The following ITFG1 variants were observed in gnomAD, a reference collection of about 807,000 sequenced individuals.
ITFG1 encodes integrin alpha FG-GAP repeat containing 1, also known as T-cell immunomodulatory protein.
In ITFG1, 34 loss-of-function variants were observed where a neutral mutation model predicts 81.8. The observed-to-expected ratio is 0.42, with a 90% confidence interval of 0.32 to 0.55. ITFG1 has a LOEUF of 0.55. ITFG1 is among the 20% of genes least tolerant of loss of function. The pLI, the probability that ITFG1 is intolerant of heterozygous loss-of-function variation, is 0.17. For synonymous variants in ITFG1, 285 were observed against 270.6 expected (o/e 1.05, Z -0.52); for missense variants, 672 against 755.4 (o/e 0.89, Z 1.29).
chr16:47,340,345 T>G (rs555770664), intron 8 of ITFG1, among the ~76,000 whole-genome samples: 1 of 152,326 alleles, frequency 6.6e-6, no homozygotes, highest in South Asian at 2.1e-4. Context: ...ATAAATATTA[T>G]GTATTGAGCA....
At chr16:47,393,310 T>C (rs2151596587) in intron 6 of ITFG1, among the ~76,000 whole-genome samples, 1 of 152,286 alleles carries the variant, frequency 6.6e-6, no homozygotes, top group South Asian at 2.1e-4. Context: ...TCCTTTAGCA[T>C]AATTAGATAA....
intron 10 of ITFG1, among the ~76,000 whole-genome samples, chr16:47,303,805 T>C (rs1967114682): frequency 6.6e-6 from 1 of 152,122 alleles, no homozygotes; most frequent in African/African-American, 2.4e-5. Flanking sequence ...TTTCATTTTA[T>C]TTTTTGTAGA....
chr16:47,240,402 A>G (rs1399908773), intron 12 of ITFG1, among the ~76,000 whole-genome samples: 3 of 152,092 alleles, frequency 2.0e-5, no homozygotes, highest in Non-Finnish European at 2.9e-5. Flanking sequence ...CGTAAAATGT[A>G]TATTTGACAA....
At chr16:47,433,904 A>G (rs1208730363) in intron 5 of ITFG1, among the ~76,000 whole-genome samples, 18 of 91,988 alleles carry the variant, frequency 2.0e-4, no homozygotes, top group Admixed American at 1.3e-4. Flanking sequence ...ATATATATAT[A>G]TAGTTGTCAA....
chr16:47,186,677 A>C lies in ITFG1; in HGVS notation c.1454-24013T>G, dbSNP rs554599502. Among the ~76,000 whole-genome samples, 9 of 152,378 alleles carry C rather than the reference A, an allele frequency of 5.9e-5. No individual in the cohort carries two copies. In the East Asian group the frequency reaches 1.7e-3, roughly 29 times the overall value. On this transcript the variant is annotated intron_variant, in intron 14 of 17. Transcript: ENST00000320640. ...TCATACTGAATGGGCAAAAACTGGA[A>C]GCATTCCCTTTGAAAACAGGCACAA...
At chr16:47,254,720 G>C (rs957322196) in intron 12 of ITFG1, among the ~76,000 whole-genome samples, 1 of 152,200 alleles carries the variant, frequency 6.6e-6, no homozygotes, top group East Asian at 1.9e-4. Context: ...TCTTGCACTT[G>C]AAATTTTCCT....
chr16:47,428,525 A>C (rs1470165911), intron 6 of ITFG1, among the ~76,000 whole-genome samples: 1 of 149,274 alleles, frequency 6.7e-6, no homozygotes, highest in Non-Finnish European at 1.5e-5. Context: ...GGTAAAAAAA[A>C]CAGCAGGCAA....
At chr16:47,233,460 TG>T (rs2151532517) in intron 13 of ITFG1, among the ~76,000 whole-genome samples, 1 of 152,346 alleles carries the variant, frequency 6.6e-6, no homozygotes, top group African/African-American at 2.4e-5. Context: ...ACACTTTTGT[TG>T]AGTTTTACCT....
At chr16:47,185,421 A>T (rs946054785) in intron 14 of ITFG1, among the ~76,000 whole-genome samples, 2 of 152,262 alleles carry the variant, frequency 1.3e-5, no homozygotes, top group African/African-American at 4.8e-5. Context: ...TCTCTCAGAC[A>T]AAGTGCAATC....
chr16:47,286,765 C>T (rs1314108704), intron 10 of ITFG1, among the ~76,000 whole-genome samples: 8 of 152,124 alleles, frequency 5.3e-5, no homozygotes, highest in Non-Finnish European at 8.8e-5. Context: ...CACCACATTG[C>T]TTATATACTA....
chr16:47,324,676 G>T (rs1039416281), intron 8 of ITFG1, among the ~76,000 whole-genome samples: 5 of 152,040 alleles, frequency 3.3e-5, no homozygotes, highest in African/African-American at 1.2e-4. Flanking sequence ...AAAGGCAGGG[G>T]TTGCAATCAA....
At chr16:47,457,226 G>A (rs1387724858) in intron 2 of ITFG1, among the ~76,000 whole-genome samples, 1 of 151,654 alleles carries the variant, frequency 6.6e-6, no homozygotes, top group East Asian at 1.9e-4. Flanking sequence ...TGGGAGAATA[G>A]CTTGAACCCG....
intron 14 of ITFG1, among the ~76,000 whole-genome samples, chr16:47,196,116 C>T (rs1052665128): frequency 1.8e-4 from 28 of 151,602 alleles, no homozygotes; most frequent in Non-Finnish European, 2.5e-4. Flanking sequence ...TCTTGTTCTG[C>T]TATAGGTATT....
chr16:47,360,303 G>T (rs1278411376), intron 8 of ITFG1, among the ~76,000 whole-genome samples: 1 of 152,132 alleles, frequency 6.6e-6, no homozygotes, highest in Admixed American at 6.5e-5. Context: ...GACTGGCAAT[G>T]ACAGTGATAT....
chr16:47,284,202 T>C (rs1596860453), intron 10 of ITFG1, among the ~76,000 whole-genome samples: 1 of 152,274 alleles, frequency 6.6e-6, no homozygotes. Context: ...AGCCATTAGA[T>C]TGTACACTTT....
chr16:47,328,750 A>G (rs1431997683), intron 8 of ITFG1, among the ~76,000 whole-genome samples: 1 of 152,184 alleles, frequency 6.6e-6, no homozygotes. Context: ...TAAGATTAGC[A>G]CATTTAAATG....
intron 6 of ITFG1, among the ~76,000 whole-genome samples, chr16:47,422,625 C>A (rs1968965844): frequency 6.6e-6 from 1 of 152,138 alleles, no homozygotes; most frequent in African/African-American, 2.4e-5. Context: ...TAGTCCTGGA[C>A]TTTCTTTGGT....
chr16:47,306,444 C>G (rs1271028505), intron 10 of ITFG1, among the ~76,000 whole-genome samples: 1 of 151,810 alleles, frequency 6.6e-6, no homozygotes, highest in Non-Finnish European at 1.5e-5. Context: ...ACTTTGGGCC[C>G]AAACATATTT....
At chr16:47,313,984 A>G (rs1261382412) in intron 8 of ITFG1, among the ~76,000 whole-genome samples, 161 bp from the exon 9 acceptor site, 1 of 152,174 alleles carries the variant, frequency 6.6e-6, no homozygotes, top group African/African-American at 2.4e-5. Flanking sequence ...TTAAAAAATT[A>G]CTCTGGCCCT....
Sources: gnomAD v4.1 joint callset for allele counts (sites outside exome capture counted in the v4.1 genomes callset) on GRCh38, gnomAD v4.1.1 for gene constraint, MANE v1.5 for transcripts, NCBI Gene and HGNC (gene_info 2026-07-23, HGNC 2026-07-21) for gene names.